CCSER1: variants seen among roughly 807,000 people sequenced by gnomAD.
The protein encoded by CCSER1 is coiled-coil serine rich protein 1.
A neutral mutation model predicts 82.0 loss-of-function variants in CCSER1; 41 were observed. The ratio of observed to expected loss-of-function variants is 0.50; its 90% CI spans 0.39 to 0.65. CCSER1 has a LOEUF of 0.65. Among genes scored for constraint, CCSER1 ranks in the 30% least tolerant of loss-of-function variants. The probability of loss-of-function intolerance (pLI) is 0.00; values close to 1 mark genes in which losing one functional copy is unlikely to be tolerated. For synonymous variants in CCSER1, 414 were observed against 383.9 expected, an observed-to-expected ratio of 1.08 and a Z score of -0.92; for missense variants, 1,119 against 1,064.2, an observed-to-expected ratio of 1.05 and a Z score of -0.72.
chr4:90,336,189 C>T (rs1317109680), intron 3 of CCSER1, among the ~76,000 whole-genome samples: 2 of 152,008 alleles, frequency 1.3e-5, no homozygotes, highest in African/African-American at 4.8e-5. Context: ...CAGAAATTTC[C>T]ACAGAATGAT....
At position 91,132,226 on chromosome 4, in the gene CCSER1, T is replaced by A. The variant is rs116335317; in HGVS notation, c.2217+46232T>A. ...TGAGTTTTTCATAGTTCAGATGACC[T>A]TGGTGACTATAAATAAGATAGAGTT... On this transcript the variant is annotated intron_variant, in intron 10 of 10. Transcript: ENST00000509176. Among the ~76,000 whole-genome samples, 627 of 152,244 alleles carry A rather than the reference T, an allele frequency of 4.1e-3. 7 individuals are homozygous for A. Among genetic ancestry groups the A allele is most frequent in the African/African-American group, 0.015 (604 of 41,564 alleles).
intron 8 of CCSER1, among the ~76,000 whole-genome samples, chr4:90,820,685 A>G (rs1307373262): frequency 6.6e-6 from 1 of 151,760 alleles, no homozygotes; most frequent in Non-Finnish European, 1.5e-5. Flanking sequence ...ATATTTATCA[A>G]TAGTGAATTT....
intron 4 of CCSER1, among the ~76,000 whole-genome samples, chr4:90,461,606 A>G (rs985391718): frequency 1.3e-5 from 2 of 151,006 alleles, no homozygotes; most frequent in Non-Finnish European, 3.0e-5. Context: ...TATATATAAC[A>G]TTTTCTCATA....
At chr4:91,158,702 C>G (rs544979071) in intron 10 of CCSER1, among the ~76,000 whole-genome samples, 12 of 151,948 alleles carry the variant, frequency 7.9e-5, no homozygotes, top group African/African-American at 2.2e-4. Flanking sequence ...CGCACACACA[C>G]ACGGCCTTGT....
intron 5 of CCSER1, among the ~76,000 whole-genome samples, chr4:90,620,848 C>CT (rs1446359269): frequency 2.0e-5 from 3 of 152,146 alleles, no homozygotes; most frequent in African/African-American, 7.2e-5. Context: ...CTCACACACT[C>CT]TGTTGCCCAG....
Position 90,556,138 on chromosome 4 carries a change from A to G in CCSER1, c.1725-71887A>G, listed in dbSNP as rs559667464. 3.3e-5 allele frequency among the ~76,000 whole-genome samples: 5 copies of G among 152,278 alleles called. No individual in the cohort carries two copies. The South Asian group carries it at 1.0e-3, about 32-fold the overall frequency. On this transcript the variant is annotated intron_variant, in intron 5 of 10. Coordinates refer to ENST00000509176, the MANE Select transcript of CCSER1 (RefSeq NM_001145065.2). ...GCTACTCATCTGGAAAATCAGGCTT[A>G]TCCATTAGGCCCATGGATCACCATT...
intron 1 of CCSER1, among the ~76,000 whole-genome samples, chr4:90,128,275 G>A (rs1436579340): frequency 6.6e-6 from 1 of 152,062 alleles, no homozygotes; most frequent in East Asian, 1.9e-4. Flanking sequence ...GGCGGGGACG[G>A]CGGCGAAGAG....
At chr4:91,256,028 G>C (rs1018658815) in intron 10 of CCSER1, among the ~76,000 whole-genome samples, 1 of 152,152 alleles carries the variant, frequency 6.6e-6, no homozygotes, top group African/African-American at 2.4e-5. Context: ...AGTAACAAGA[G>C]TCATATTTCT....
chr4:90,216,746 T>C (rs1741110077), intron 1 of CCSER1, among the ~76,000 whole-genome samples: 1 of 152,210 alleles, frequency 6.6e-6, no homozygotes, highest in Non-Finnish European at 1.5e-5. Flanking sequence ...AGGATTTCTT[T>C]GGATATTTAG....
At chr4:91,470,539 T>C (rs1757216601) in intron 10 of CCSER1, among the ~76,000 whole-genome samples, 1 of 152,136 alleles carries the variant, frequency 6.6e-6, no homozygotes, top group Non-Finnish European at 1.5e-5. Context: ...TTGCTGTTGT[T>C]GTTAGAGACA....
chr4:90,500,845 T>G (rs1166135520), intron 5 of CCSER1, among the ~76,000 whole-genome samples: 2 of 152,130 alleles, frequency 1.3e-5, no homozygotes, highest in Non-Finnish European at 2.9e-5. Flanking sequence ...ACAGTAGCCC[T>G]GCATTGCTTC....
intron 5 of CCSER1, among the ~76,000 whole-genome samples, chr4:90,481,617 A>T (rs901407587): frequency 1.8e-4 from 28 of 152,296 alleles, no homozygotes; most frequent in African/African-American, 6.7e-4. Context: ...TTCTGCATCT[A>T]TTGAGATAAT....
intron 10 of CCSER1, among the ~76,000 whole-genome samples, chr4:91,213,394 C>T (rs1292276432): frequency 6.6e-6 from 1 of 152,006 alleles, no homozygotes; most frequent in African/African-American, 2.4e-5. Flanking sequence ...ATAGGTCTCC[C>T]AGCTTCAAGT....
At chr4:91,585,847 T>G (rs545144546) in intron 10 of CCSER1, among the ~76,000 whole-genome samples, 211 of 151,774 alleles carry the variant, frequency 1.4e-3, no homozygotes, top group African/African-American at 4.9e-3. Context: ...TTCAGAGTGA[T>G]GTAGGCCATT....
intron 7 of CCSER1, among the ~76,000 whole-genome samples, chr4:90,737,555 TC>T (rs1745865581): frequency 2.0e-5 from 3 of 152,144 alleles, no homozygotes; most frequent in African/African-American, 7.2e-5. Flanking sequence ...TTTATCCTTG[TC>T]CTTTTTTAGT....
At chr4:91,067,135 G>T (rs1465991280) in intron 9 of CCSER1, among the ~76,000 whole-genome samples, 1 of 151,622 alleles carries the variant, frequency 6.6e-6, no homozygotes. Context: ...CTGCACTACA[G>T]CCTGGGCGAC....
intron 6 of CCSER1, among the ~76,000 whole-genome samples, chr4:90,675,021 C>T (rs1219556462): frequency 1.3e-5 from 2 of 151,940 alleles, no homozygotes; most frequent in Admixed American, 6.6e-5. Context: ...GTGTCTGAAA[C>T]CAGACTGCCA....
intron 4 of CCSER1, among the ~76,000 whole-genome samples, chr4:90,440,890 A>G (rs527796553): frequency 1.3e-5 from 2 of 152,318 alleles, no homozygotes; most frequent in East Asian, 3.9e-4. Context: ...TTAAAAGAAG[A>G]CACTTGCCCT....
At chr4:91,083,463 T>G (rs944365505) in intron 9 of CCSER1, among the ~76,000 whole-genome samples, 1 of 152,026 alleles carries the variant, frequency 6.6e-6, no homozygotes, top group African/African-American at 2.4e-5. Flanking sequence ...ATGTAAATGA[T>G]GAGTTAATGG....
Sources: allele counts gnomAD v4.1 joint callset (sites outside exome capture counted in the v4.1 genomes callset), GRCh38; gene constraint gnomAD v4.1.1; transcripts MANE v1.5; gene names NCBI Gene and HGNC (gene_info 2026-07-23, HGNC 2026-07-21).